ADGRL3: variants seen among roughly 807,000 people sequenced by gnomAD.
ADGRL3 encodes the protein calcium-independent alpha-latrotoxin receptor 3.
In ADGRL3, 62 loss-of-function variants were observed where a neutral mutation model predicts 153.5. The ratio of observed to expected loss-of-function variants is 0.40; its 90% CI spans 0.33 to 0.50. ADGRL3 has a LOEUF of 0.50. Ranked by LOEUF, ADGRL3 falls within the 20% of genes least tolerant of loss-of-function variation. ADGRL3 has a pLI of 0.47. For synonymous variants in ADGRL3, 710 were observed against 672.5 expected (o/e 1.06, Z -0.86); for missense variants, 1,641 against 1,859.4 (o/e 0.88, Z 2.16).
At chr4:61,346,389 C>T (rs546886340) in intron 1 of ADGRL3, among the ~76,000 whole-genome samples, 4 of 151,148 alleles carry the variant, frequency 2.6e-5, no homozygotes, top group South Asian at 2.1e-4. Flanking sequence ...AAATTAAAGT[C>T]GTTTTAACAT....
chr4:61,523,316 T>G (rs1475195988), intron 4 of ADGRL3, among the ~76,000 whole-genome samples: 1 of 152,124 alleles, frequency 6.6e-6, no homozygotes, highest in Admixed American at 6.6e-5. Context: ...CGGAAAACTC[T>G]TACAAGTTCA....
chr4:61,522,893 C>T (rs573883049), intron 4 of ADGRL3, among the ~76,000 whole-genome samples: 14 of 152,192 alleles, frequency 9.2e-5, no homozygotes, highest in African/African-American at 3.1e-4. Context: ...CTTTGCTGGT[C>T]GGAATGTCCT....
At chr4:61,597,909 C>T (rs966940088) in intron 5 of ADGRL3, among the ~76,000 whole-genome samples, 5 of 151,954 alleles carry the variant, frequency 3.3e-5, no homozygotes, top group African/African-American at 1.2e-4. Context: ...CAGTTAAAAT[C>T]TTCTGGACAG....
intron 1 of ADGRL3, among the ~76,000 whole-genome samples, chr4:61,290,523 AAT>A: frequency 6.6e-6 from 1 of 152,020 alleles, no homozygotes; most frequent in African/African-American, 2.4e-5. Flanking sequence ...TTATGCCTGT[AAT>A]CTCAGCACTT....
chr4:61,608,531 T>C (rs1338870881), intron 5 of ADGRL3, among the ~76,000 whole-genome samples: 2 of 152,184 alleles, frequency 1.3e-5, no homozygotes, highest in Non-Finnish European at 2.9e-5. Context: ...CAGTCCACAT[T>C]TTTTTAATGT....
chr4:62,063,383 C>G, intron 25 of ADGRL3: 1 of 458,934 alleles, frequency 2.2e-6, no homozygotes, highest in Non-Finnish European at 3.9e-6. Context: ...AGTTAGCTGC[C>G]TGCCTGTAAT....
Position 61,910,064 on chromosome 4 carries a change from T to C in ADGRL3, c.2073+319T>C, listed in dbSNP as rs563173397. Among the ~76,000 whole-genome samples the C allele has an allele frequency of 3.9e-5, 6 of 152,222 alleles. No individual in the cohort carries two copies. In the East Asian group the frequency reaches 1.2e-3, roughly 29 times the overall value. ...ATGTAGATAAATGCAATTTCTTTTTTCTTTCAAACTTTTATTTTAAGATAA... is the reference window on the plus strand; with the variant it reads ...ATGTAGATAAATGCAATTTCTTTTTCCTTTCAAACTTTTATTTTAAGATAA... On this transcript the variant is annotated intron_variant, in intron 12 of 26. Coordinates refer to ENST00000683033, the MANE Select transcript of ADGRL3 (RefSeq NM_001387552.1).
chr4:61,309,003 A>G (rs970533795), intron 1 of ADGRL3, among the ~76,000 whole-genome samples: 2 of 152,122 alleles, frequency 1.3e-5, no homozygotes, highest in Admixed American at 6.6e-5. Context: ...AAGTTCTTCA[A>G]TTATATTTTT....
chr4:61,869,936 T>TAAAAAAAAAAAAAA lies in ADGRL3; in HGVS notation c.1481-22708_1481-22695dup, dbSNP rs1190618911. On this transcript the variant is annotated intron_variant, in intron 9 of 26. Coordinates refer to ENST00000683033, the MANE Select transcript of ADGRL3 (RefSeq NM_001387552.1). Reference sequence around the variant, plus strand: ...CTGGGCAACAAGAGCAAAACTTTGTTAAAAAAAAAAAAAAAAAAAAAAAAA... The same window carrying TAAAAAAAAAAAAAA: ...CTGGGCAACAAGAGCAAAACTTTGTTAAAAAAAAAAAAAAAAAAAAAAAAAAAAAAAAAAAAAAA... Among the ~76,000 whole-genome samples, 14 of 10,504 alleles carry TAAAAAAAAAAAAAA rather than the reference T, an allele frequency of 1.3e-3. 2 individuals carry two copies. Among genetic ancestry groups the TAAAAAAAAAAAAAA allele is most frequent in the Non-Finnish European group, 2.6e-3 (10 of 3,912 alleles). The allele number at this position is 10,504 out of a possible 152,430, so 6.9% of individuals were successfully genotyped here.
intron 8 of ADGRL3, among the ~76,000 whole-genome samples, chr4:61,765,099 A>G: frequency 6.6e-6 from 1 of 152,106 alleles, no homozygotes; most frequent in Admixed American, 6.5e-5. Context: ...TTATGTATTT[A>G]CTTCAAGAGT....
intron 25 of ADGRL3, among the ~76,000 whole-genome samples, chr4:62,062,683 G>A (rs891701686): frequency 6.6e-6 from 1 of 151,896 alleles, no homozygotes; most frequent in African/African-American, 2.4e-5. Context: ...TAGAAACTAA[G>A]AACAAAAAGT....
chr4:61,901,621 A>G (rs1179265100), intron 11 of ADGRL3, among the ~76,000 whole-genome samples: 1 of 152,204 alleles, frequency 6.6e-6, no homozygotes, highest in Non-Finnish European at 1.5e-5. Context: ...AGATCTTTCA[A>G]AGAAATGGTA....
At chr4:61,447,231 A>G (rs974925180) in intron 2 of ADGRL3, among the ~76,000 whole-genome samples, 1 of 151,980 alleles carries the variant, frequency 6.6e-6, no homozygotes, top group African/African-American at 2.4e-5. Flanking sequence ...TTGTAGTTTG[A>G]TCTTTTAATA....
At chr4:61,516,690 T>C (rs2098497685) in intron 3 of ADGRL3, among the ~76,000 whole-genome samples, 1 of 152,140 alleles carries the variant, frequency 6.6e-6, no homozygotes, top group African/African-American at 2.4e-5. Context: ...GGTAAAAATG[T>C]GTGTATATCC....
At chr4:61,777,785 A>T (rs1487198979) in intron 8 of ADGRL3, among the ~76,000 whole-genome samples, 1 of 152,162 alleles carries the variant, frequency 6.6e-6, no homozygotes, top group Non-Finnish European at 1.5e-5. Flanking sequence ...TTTGCTAAGG[A>T]AGAAAAAAAT....
intron 2 of ADGRL3, among the ~76,000 whole-genome samples, chr4:61,447,357 A>G (rs1224697898): frequency 2.0e-5 from 3 of 151,996 alleles, no homozygotes; most frequent in Non-Finnish European, 2.9e-5. Context: ...TGGTCAAATC[A>G]TGGTTATAAG....
At chr4:61,275,304 AC>A (rs2093406726) in intron 1 of ADGRL3, among the ~76,000 whole-genome samples, 1 of 152,160 alleles carries the variant, frequency 6.6e-6, no homozygotes, top group Non-Finnish European at 1.5e-5. Context: ...TTAGAATGGT[AC>A]CTGAAACAGT....
At chr4:62,014,863 TC>T (rs1011418783) in intron 21 of ADGRL3, among the ~76,000 whole-genome samples, 1 of 152,172 alleles carries the variant, frequency 6.6e-6, no homozygotes, top group East Asian at 1.9e-4. Context: ...CTTATCAGTT[TC>T]CCCAATTCCA....
At chr4:61,939,190 T>A (rs1338889844) in intron 15 of ADGRL3, among the ~76,000 whole-genome samples, 1 of 152,186 alleles carries the variant, frequency 6.6e-6, no homozygotes, top group Non-Finnish European at 1.5e-5. Context: ...AGTTGAGTTT[T>A]AAGACAGGTA....
Sources: gnomAD v4.1 joint callset for allele counts (sites outside exome capture counted in the v4.1 genomes callset) on GRCh38, gnomAD v4.1.1 for gene constraint, MANE v1.5 for transcripts, NCBI Gene and HGNC (gene_info 2026-07-23, HGNC 2026-07-21) for gene names.